MBNL2: variants seen among roughly 807,000 people sequenced by gnomAD.
The protein encoded by MBNL2 is muscleblind like splicing regulator 2, also known as muscleblind-like protein 2.
In MBNL2, 17 loss-of-function variants were observed where a neutral mutation model predicts 41.9. The ratio of observed to expected loss-of-function variants is 0.41; its 90% CI spans 0.28 to 0.61. MBNL2 has a LOEUF of 0.61. Ranked by LOEUF, MBNL2 falls within the 20% of genes least tolerant of loss-of-function variation. The pLI, the probability that MBNL2 is intolerant of heterozygous loss-of-function variation, is 0.35. For missense variants in MBNL2, 336 were observed against 505.6 expected, an observed-to-expected ratio of 0.66 and a Z score of 3.22; for synonymous variants, 195 against 182.9, an observed-to-expected ratio of 1.07 and a Z score of -0.53.
intron 1 of MBNL2, among the ~76,000 whole-genome samples, chr13:97,259,168 C>A (rs187112257): frequency 6.6e-6 from 1 of 152,260 alleles, no homozygotes; most frequent in Admixed American, 6.5e-5. Context: ...GTTAGAGACC[C>A]TTTTCTAGGT....
chr13:97,235,625 A>G (rs1303499397), intron 1 of MBNL2, among the ~76,000 whole-genome samples: 1 of 152,182 alleles, frequency 6.6e-6, no homozygotes, highest in Admixed American at 6.5e-5. Context: ...AAATTAGTGT[A>G]GAAAGTGGAA....
intron 1 of MBNL2, among the ~76,000 whole-genome samples, chr13:97,267,366 AC>A (rs2050034827): frequency 6.6e-6 from 1 of 152,206 alleles, no homozygotes; most frequent in African/African-American, 2.4e-5. Context: ...GTAAGTAAAG[AC>A]CCTAAAAATA....
At chr13:97,177,448 A>G in the MBNL2 span, among the ~76,000 whole-genome samples, 1 of 152,236 alleles carries the variant, frequency 6.6e-6, no homozygotes, top group Non-Finnish European at 1.5e-5. Context: ...AAACTTAAAA[A>G]TTATGGTAAC....
intron 3 of MBNL2, among the ~76,000 whole-genome samples, chr13:97,342,322 T>C (rs2061504279): frequency 6.6e-6 from 1 of 152,210 alleles, no homozygotes; most frequent in Non-Finnish European, 1.5e-5. Flanking sequence ...GTTGATTTTG[T>C]GACCTAGGAA....
At chr13:97,317,150 A>G (rs2059128772) in intron 2 of MBNL2, among the ~76,000 whole-genome samples, 1 of 152,146 alleles carries the variant, frequency 6.6e-6, no homozygotes, top group African/African-American at 2.4e-5. Context: ...TCAATGTGGG[A>G]GATGCCAAGC....
At chr13:97,256,274 A>C (rs535784325) in intron 1 of MBNL2, among the ~76,000 whole-genome samples, 8 of 152,282 alleles carry the variant, frequency 5.3e-5, no homozygotes, top group African/African-American at 1.9e-4. Context: ...ATGACATGTG[A>C]AATTCCTTGA....
intron 7 of MBNL2, among the ~76,000 whole-genome samples, chr13:97,362,304 A>G (rs975711685): frequency 2.0e-5 from 3 of 152,180 alleles, no homozygotes; most frequent in Non-Finnish European, 4.4e-5. Context: ...TTGGATTTTC[A>G]GACCTGGAAT....
At chr13:97,345,918 G>C (rs577422020) in intron 4 of MBNL2, among the ~76,000 whole-genome samples, 1 of 152,112 alleles carries the variant, frequency 6.6e-6, no homozygotes, top group Admixed American at 6.6e-5. Context: ...CATACAAGTA[G>C]GTGATTGAAG....
the MBNL2 span, among the ~76,000 whole-genome samples, chr13:97,142,600 A>G: frequency 6.6e-6 from 1 of 152,192 alleles, no homozygotes; most frequent in Non-Finnish European, 1.5e-5. Context: ...GGAAGAGTCT[A>G]TGGCTGGCTC....
At position 97,276,366 on chromosome 13, in the gene MBNL2, A is replaced by G. The variant is rs780215815; in HGVS notation, c.131A>G (p.Gln44Arg). ...TTTGCTCATCCCCCCAAAAGTTGTC[A>G]GGTTGAAAATGGAAGAGTAATTGCC... ...CKFAHPPKSC[Q>R]VENGRVIACF... Residue 44 changes from glutamine (Q) to arginine (R), a missense_variant, in exon 2 of 9, where the codon CAG becomes CGG. Coordinates refer to ENST00000679496, the MANE Select transcript of MBNL2 (RefSeq NM_001382683.1). The G allele has an allele frequency of 1.1e-5, 17 of 1,614,118 alleles. No individual in the cohort carries two copies. The highest frequency in any genetic ancestry group is 1.4e-5 in the Non-Finnish European group (17 of 1,179,966).
chr13:97,261,872 T>A (rs1158357344), intron 1 of MBNL2, among the ~76,000 whole-genome samples: 1 of 152,236 alleles, frequency 6.6e-6, no homozygotes, highest in Non-Finnish European at 1.5e-5. Flanking sequence ...GTTTCCTCGC[T>A]GAGGCTGGGC....
the MBNL2 span, among the ~76,000 whole-genome samples, chr13:97,206,582 G>A: frequency 1.3e-5 from 2 of 152,068 alleles, no homozygotes; most frequent in African/African-American, 4.8e-5. Context: ...AATCCCATGA[G>A]AATTGCTATA....
rs568709576 is a variant in MBNL2, at chr13:97,377,825, T to C, written c.1048+12654T>C. 1.9e-3 allele frequency among the ~76,000 whole-genome samples: 297 copies of C among 152,342 alleles called. 1 individual carries two copies. Among genetic ancestry groups the C allele is most frequent in the Non-Finnish European group, 3.0e-3 (204 of 68,028 alleles). ...GTAAAGAATGAGAAGAAAAATTCCA[T>C]TGTATTCCTTTGCCTTGGACAAAGG... On this transcript the variant is annotated intron_variant, in intron 8 of 8. Coordinates refer to ENST00000679496, the MANE Select transcript of MBNL2 (RefSeq NM_001382683.1).
rs1159500687 is a variant in MBNL2, at chr13:97,366,717, T to G, written c.1048+1546T>G. 1.5e-6 allele frequency: 1 copy of G among 685,176 alleles called. No homozygotes were observed. The highest frequency in any genetic ancestry group is 1.8e-5 in the African/African-American group (1 of 55,606). The allele number at this position is 685,176 out of a possible 1,614,324, so 42.4% of individuals were successfully genotyped here. Reference sequence around the variant, plus strand: ...CATTTACAGACAGGTTGCACTTATTTAGAGTTAACATTTACTGCAAATAAT... The same window carrying G: ...CATTTACAGACAGGTTGCACTTATTGAGAGTTAACATTTACTGCAAATAAT... On this transcript the variant is annotated intron_variant, in intron 8 of 8. Transcript: ENST00000679496. This position sits in a 1 kb window ranked among gnomAD's most constrained non-coding sequence, Gnocchi z 4.7.
Position 97,276,101 on chromosome 13 carries a change from G to A in MBNL2, c.-135G>A. On this transcript the variant is annotated 5_prime_UTR_variant, in exon 2 of 9. Transcript: ENST00000679496. ...TCTCATCATCCTGTTCCTTGGATTG[G>A]ACTTCACTAAGCAATTTATCACTCA... 3 of 655,392 alleles carry A rather than the reference G, an allele frequency of 4.6e-6. No individual in the cohort carries two copies. The highest frequency in any genetic ancestry group is 8.0e-6 in the Non-Finnish European group (3 of 373,214). 40.6% of individuals were successfully genotyped at this position (655,392 alleles called of 1,614,324 possible).
intron 2 of MBNL2, among the ~76,000 whole-genome samples, chr13:97,287,953 T>C (rs2054982171): frequency 6.8e-6 from 1 of 146,562 alleles, no homozygotes; most frequent in Non-Finnish European, 1.5e-5. Flanking sequence ...TTTTTTTTTT[T>C]AGTAGAGATG....
At position 97,346,552 on chromosome 13, in the gene MBNL2, G is replaced by A. The variant is rs2061892223; in HGVS notation, c.541-252G>A. The stretch of plus-strand genomic sequence containing the variant: ...TTGTTGCTTTTCCTTTGTTATTTTA[G>A]CTGAACTGCAGATTTCGTATTATTT... On this transcript the variant is annotated intron_variant, in intron 4 of 8. Coordinates refer to ENST00000679496, the MANE Select transcript of MBNL2 (RefSeq NM_001382683.1). The surrounding 1 kb of genome is among the most constrained non-coding windows in gnomAD (Gnocchi z 4.2). Among the ~76,000 whole-genome samples, 1 of 152,156 alleles carries A rather than the reference G, an allele frequency of 6.6e-6. No homozygotes were observed. Among genetic ancestry groups the A allele is most frequent in the Admixed American group, 6.5e-5 (1 of 15,284 alleles).
chr13:97,215,885 C>T, the MBNL2 span, among the ~76,000 whole-genome samples: 1,675 of 152,190 alleles, frequency 0.011, 39 homozygotes, highest in African/African-American at 0.039. Context: ...ATTCTAAGCC[C>T]TAAGGGCTAT....
intron 8 of MBNL2, among the ~76,000 whole-genome samples, chr13:97,368,429 A>AAAAT (rs2064049179): frequency 6.6e-6 from 1 of 152,062 alleles, no homozygotes; most frequent in African/African-American, 2.4e-5. Context: ...AAAATAAAAT[A>AAAAT]AAATAAAATA....
Sources: allele counts gnomAD v4.1 joint callset (sites outside exome capture counted in the v4.1 genomes callset), GRCh38; gene constraint gnomAD v4.1.1; non-coding constraint Gnocchi (gnomAD v3.1); transcripts MANE v1.5; gene names NCBI Gene and HGNC (gene_info 2026-07-23, HGNC 2026-07-21).